Variants in KIF2A observed in about 807,000 individuals in gnomAD.
The protein encoded by KIF2A is kinesin family member 2A, also known as kinesin-like protein KIF2A.
Under a neutral mutation model 100.2 loss-of-function variants are expected in KIF2A, and 22 were observed. The ratio of observed to expected loss-of-function variants is 0.22; its 90% confidence interval spans 0.16 to 0.31. KIF2A has a LOEUF of 0.31. Among genes scored for constraint, KIF2A ranks in the 10% least tolerant of loss-of-function variants. The pLI, the probability that KIF2A is intolerant of heterozygous loss-of-function variation, is 1.00. For synonymous variants in KIF2A, 268 were observed against 285.9 expected (o/e 0.94, Z 0.63); for missense variants, 495 against 898.7 (o/e 0.55, Z 5.74).
chr5:62,376,404 T>TG (rs1741546715), intron 18 of KIF2A, among the ~76,000 whole-genome samples: 1 of 138,830 alleles, frequency 7.2e-6, no homozygotes, highest in Admixed American at 7.0e-5. Flanking sequence ...CGGAGAAGTT[T>TG]TTTTTGTTTG....
At chr5:62,306,842 T>C in intron 1 of KIF2A, 1 of 362,932 alleles carries the variant, frequency 2.8e-6, no homozygotes, top group Non-Finnish European at 5.0e-6. Flanking sequence ...CCTCCCGCAA[T>C]CTCCAGCCCC....
chr5:62,370,088 C>T (rs541929583), intron 16 of KIF2A, among the ~76,000 whole-genome samples: 1 of 152,136 alleles, frequency 6.6e-6, no homozygotes, highest in South Asian at 2.1e-4. Context: ...AATAGTTATC[C>T]CTATTGCTAC....
Position 62,373,746 on chromosome 5 carries a change from A to G in KIF2A, c.1820A>G (p.His607Arg). The change falls in exon 18 of 21, where the codon CAT (histidine) becomes CGT (arginine). Residue 607 changes from histidine (H) to arginine (R), a missense_variant. His to Arg is a conservative substitution (Grantham distance 29). Around this residue, in one of 10 missense-constraint regions of KIF2A, gnomAD observed 100 missense variants for 138.2 expected, o/e 0.72. Coordinates refer to ENST00000407818, the MANE Select transcript of KIF2A (RefSeq NM_001098511.3). Reference sequence around the variant, plus strand: ...GGTGATGTTCGTCCAATAATGCACCATCCACCAAACCAGATTGATGACTTA... The same window carrying G: ...GGTGATGTTCGTCCAATAATGCACCGTCCACCAAACCAGATTGATGACTTA... ...AAGDVRPIMH[H>R]PPNQIDDLET... 6.2e-7 allele frequency: 1 copy of G among 1,613,534 alleles called. No individual in the cohort carries two copies. The highest frequency in any genetic ancestry group is 1.1e-5 in the South Asian group (1 of 91,074).
intron 1 of KIF2A, among the ~76,000 whole-genome samples, chr5:62,328,527 C>T (rs966415554): frequency 1.3e-5 from 2 of 152,006 alleles, no homozygotes; most frequent in African/African-American, 4.8e-5. Flanking sequence ...GTTTTGCTCT[C>T]GTTGCCCAGG....
rs774215921 is a variant in KIF2A at position 62,350,120 on chromosome 5, G to A, written c.334G>A (p.Val112Met). Reference protein sequence around the residue: ...KNDPPSRDNRVVGSARARPSQ... With the variant: ...KNDPPSRDNRMVGSARARPSQ... ...TGACCCTCCTTCAAGAGATAATAGA[G>A]GTAAAGTAAAAATTTATCTCTTAAT... Residue 112 changes from valine to methionine, a missense_variant and splice_region_variant, in exon 4 of 21, where the codon GTG (valine) becomes ATG (methionine). Physicochemically the swap from Val to Met is conservative, Grantham distance 21. This residue lies in a region of KIF2A where 115 missense variants were observed against 143.6 expected (regional missense o/e 0.80). Coordinates refer to ENST00000407818, the MANE Select transcript of KIF2A (RefSeq NM_001098511.3). 1 of 1,560,104 alleles carries A rather than the reference G, an allele frequency of 6.4e-7. No individual in the cohort carries two copies. The highest frequency in any genetic ancestry group is 8.7e-7 in the Non-Finnish European group (1 of 1,148,290).
At chr5:62,316,446 A>T (rs1160311890) in intron 1 of KIF2A, among the ~76,000 whole-genome samples, 1 of 151,952 alleles carries the variant, frequency 6.6e-6, no homozygotes, top group East Asian at 1.9e-4. Context: ...CACCCTTAGG[A>T]TTCTAAGTGC....
intron 1 of KIF2A, among the ~76,000 whole-genome samples, chr5:62,319,765 G>T (rs781031670): frequency 1.3e-5 from 2 of 152,172 alleles, no homozygotes; most frequent in Non-Finnish European, 2.9e-5. Flanking sequence ...TCAAGAATAT[G>T]ACATGACAAG....
intron 1 of KIF2A, among the ~76,000 whole-genome samples, chr5:62,343,041 C>T (rs544801461): frequency 9.5e-4 from 144 of 152,050 alleles, no homozygotes; most frequent in African/African-American, 3.1e-3. Flanking sequence ...CGTGAGCCAC[C>T]GCACCCAGCC....
intron 1 of KIF2A, among the ~76,000 whole-genome samples, chr5:62,331,094 T>C (rs947232999): frequency 1.3e-5 from 2 of 152,224 alleles, no homozygotes; most frequent in Non-Finnish European, 2.9e-5. Flanking sequence ...GTTATTCTTA[T>C]ACATATTTAG....
intron 9 of KIF2A, among the ~76,000 whole-genome samples, chr5:62,358,868 G>C (rs1010338942): frequency 1.3e-5 from 2 of 152,100 alleles, no homozygotes; most frequent in South Asian, 2.1e-4. Flanking sequence ...TTGAGGTTTC[G>C]CCATGTTGCC....
chr5:62,318,089 T>C (rs1363872552), intron 1 of KIF2A, among the ~76,000 whole-genome samples: 1 of 144,200 alleles, frequency 6.9e-6, no homozygotes, highest in East Asian at 2.0e-4. Context: ...TTTAGTGGAC[T>C]TTTTTTTTTT....
intron 17 of KIF2A, 48 bp from the exon 18 acceptor site, chr5:62,373,639 C>G (rs1741414621): frequency 1.4e-6 from 2 of 1,420,188 alleles, no homozygotes; most frequent in African/African-American, 2.8e-5. Context: ...TTTTCTCGTT[C>G]CTCTGCATGA....
At chr5:62,381,593 C>T (rs548941391) in intron 20 of KIF2A, among the ~76,000 whole-genome samples, 66 of 152,144 alleles carry the variant, frequency 4.3e-4, no homozygotes, top group African/African-American at 1.6e-3. Flanking sequence ...TTTTTCGGGT[C>T]TCATTCTGTT....
At chr5:62,363,415 G>A (rs1161851666) in intron 13 of KIF2A, 95 bp downstream of exon 13, 14 of 1,174,310 alleles carry the variant, frequency 1.2e-5, no homozygotes, top group Non-Finnish European at 1.7e-5. Context: ...ATACATCTTG[G>A]AAGTAAAAAT....
At chr5:62,321,982 A>G (rs1047166262) in intron 1 of KIF2A, among the ~76,000 whole-genome samples, 1 of 152,094 alleles carries the variant, frequency 6.6e-6, no homozygotes, top group African/African-American at 2.4e-5. Flanking sequence ...ATGCAGTGGC[A>G]TGATCATAAC....
intron 12 of KIF2A, 33 bp downstream of exon 12, chr5:62,362,574 A>T (rs1380607116): frequency 5.3e-6 from 5 of 942,414 alleles, no homozygotes; most frequent in South Asian, 4.3e-5. Context: ...TTAATTTTTT[A>T]AAATATATAT....
chr5:62,338,666 AAAC>A (rs1747106740), intron 1 of KIF2A, among the ~76,000 whole-genome samples: 2 of 152,174 alleles, frequency 1.3e-5, no homozygotes, highest in African/African-American at 2.4e-5. Context: ...GCATACCAAA[AAAC>A]AACAAAAAAA....
At position 62,342,757 on chromosome 5, in the gene KIF2A, A is replaced by AT. The variant is rs558258021; in HGVS notation, c.65-4358dup. On this transcript the variant is annotated intron_variant, in intron 1 of 20. Transcript: ENST00000407818. ...TTCATTATTTTTTATTTTAATCTTA[A>AT]TTTTTTTTTTTTTTTGAAGTGGAGT... Among the ~76,000 whole-genome samples, 1,080 of 141,768 alleles carry AT rather than the reference A, an allele frequency of 7.6e-3. 9 individuals carry two copies. Among genetic ancestry groups the AT allele is most frequent in the African/African-American group, 0.019 (751 of 38,680 alleles). 93.0% of individuals were successfully genotyped at this position (141,768 alleles called of 152,430 possible).
chr5:62,323,818 G>C (rs1377307277), intron 1 of KIF2A, among the ~76,000 whole-genome samples: 1 of 151,760 alleles, frequency 6.6e-6, no homozygotes, highest in Non-Finnish European at 1.5e-5. Flanking sequence ...TGGGTGGATC[G>C]CCTGAGCCCA....
Sources: gnomAD v4.1 joint callset for allele counts (sites outside exome capture counted in the v4.1 genomes callset) on GRCh38, gnomAD v4.1.1 for gene constraint, gnomAD v4.1.1 regional missense constraint, MANE v1.5 for transcripts, NCBI Gene and HGNC (gene_info 2026-07-23, HGNC 2026-07-21) for gene names.